TACR3: variants seen among roughly 807,000 people sequenced by gnomAD.
TACR3 encodes neuromedin-K receptor.
A neutral mutation model predicts 35.0 loss-of-function variants in TACR3; 34 were observed. That is an observed-to-expected ratio of 0.97 (90% CI 0.74 to 1.30). The LOEUF is 1.30. Among genes scored for constraint, TACR3 ranks in the 50% most tolerant of loss-of-function variants. The pLI, the probability that TACR3 is intolerant of heterozygous loss-of-function variation, is 0.00. For synonymous variants in TACR3, 233 were observed against 221.1 expected (o/e 1.05, Z -0.48); for missense variants, 558 against 591.7 (o/e 0.94, Z 0.59).
At chr4:103,641,541 C>T (rs1006768420) in intron 3 of TACR3, among the ~76,000 whole-genome samples, 1 of 151,938 alleles carries the variant, frequency 6.6e-6, no homozygotes, top group Non-Finnish European at 1.5e-5. Context: ...TAAATTAGTA[C>T]AGCCATTGCG....
intron 2 of TACR3, among the ~76,000 whole-genome samples, chr4:103,657,580 C>T (rs577243445): frequency 6.6e-6 from 1 of 151,726 alleles, no homozygotes; most frequent in Non-Finnish European, 1.5e-5. Flanking sequence ...AAAATAAGTA[C>T]ATTATTAAAA....
intron 3 of TACR3, among the ~76,000 whole-genome samples, chr4:103,611,792 C>T (rs985742122): frequency 1.3e-5 from 2 of 152,156 alleles, no homozygotes; most frequent in African/African-American, 2.4e-5. Flanking sequence ...TAAGTGTCAT[C>T]ATCATCTATC....
intron 1 of TACR3, among the ~76,000 whole-genome samples, chr4:103,662,330 C>CT (rs1326828809): frequency 3.3e-5 from 5 of 150,786 alleles, no homozygotes. Context: ...AAGCAATTCT[C>CT]TTGTCTCAGC....
chr4:103,635,330 A>G (rs565421542), intron 3 of TACR3, among the ~76,000 whole-genome samples: 46 of 152,052 alleles, frequency 3.0e-4, no homozygotes, highest in African/African-American at 1.0e-3. Context: ...CTGAGATTGA[A>G]GAGAAAGAAT....
chr4:103,706,368 G>T (rs574256801), intron 1 of TACR3, among the ~76,000 whole-genome samples: 1 of 152,074 alleles, frequency 6.6e-6, no homozygotes, highest in South Asian at 2.1e-4. Flanking sequence ...TTAAAAAATT[G>T]AACTAAATTT....
At chr4:103,689,304 G>T (rs1326237433) in intron 1 of TACR3, among the ~76,000 whole-genome samples, 3 of 151,482 alleles carry the variant, frequency 2.0e-5, no homozygotes, top group East Asian at 3.9e-4. Flanking sequence ...AATGCTAGAT[G>T]ACGAGTTAGT....
intron 1 of TACR3, among the ~76,000 whole-genome samples, chr4:103,695,361 C>G (rs1469328185): frequency 1.3e-5 from 2 of 152,088 alleles, no homozygotes; most frequent in African/African-American, 2.4e-5. Context: ...GCAAGATCAA[C>G]CCCTCTTTCT....
chr4:103,663,851 C>A (rs893439395), intron 1 of TACR3, among the ~76,000 whole-genome samples: 1 of 152,160 alleles, frequency 6.6e-6, no homozygotes, highest in African/African-American at 2.4e-5. Context: ...ATTCTCTGGA[C>A]CTTGAGAATA....
chr4:103,591,774 T>A (rs1187185263), intron 3 of TACR3, 91 bp from the exon 4 acceptor site: 2 of 1,185,296 alleles, frequency 1.7e-6, no homozygotes, highest in Admixed American at 2.0e-5. Context: ...CCAATACAGT[T>A]AAATACACAT....
At chr4:103,632,249 T>C (rs1292383381) in intron 3 of TACR3, among the ~76,000 whole-genome samples, 1 of 152,104 alleles carries the variant, frequency 6.6e-6, no homozygotes, top group Non-Finnish European at 1.5e-5. Flanking sequence ...AAACAAATTC[T>C]GATAGAAATC....
chr4:103,610,509 TTATA>T (rs1458258745), intron 3 of TACR3, among the ~76,000 whole-genome samples: 4 of 152,154 alleles, frequency 2.6e-5, no homozygotes, highest in Admixed American at 2.6e-4. Flanking sequence ...TTTGAGTTCC[TTATA>T]TAGTCTGGAT....
At chr4:103,695,362 C>T (rs1157170006) in intron 1 of TACR3, among the ~76,000 whole-genome samples, 2 of 152,066 alleles carry the variant, frequency 1.3e-5, no homozygotes, top group African/African-American at 4.8e-5. Flanking sequence ...CAAGATCAAC[C>T]CCTCTTTCTT....
At chr4:103,591,323 GTA>G (rs773429784) in intron 4 of TACR3, 162 bp downstream of exon 4, 1 of 748,096 alleles carries the variant, frequency 1.3e-6, no homozygotes, top group Non-Finnish European at 2.3e-6. Context: ...TATAAAGTGT[GTA>G]TGGGGGTCTT....
chr4:103,623,671 A>C (rs1259727283), intron 3 of TACR3, among the ~76,000 whole-genome samples: 1 of 152,144 alleles, frequency 6.6e-6, no homozygotes, highest in African/African-American at 2.4e-5. Context: ...ACTGAATTTT[A>C]AGGCATAGGG....
chr4:103,697,640 A>G (rs977812764), intron 1 of TACR3, among the ~76,000 whole-genome samples: 1 of 151,778 alleles, frequency 6.6e-6, no homozygotes, highest in African/African-American at 2.4e-5. Context: ...TAGCCAGGAT[A>G]GTCTCGATCT....
chr4:103,617,006 C>A (rs1279091541), intron 3 of TACR3, among the ~76,000 whole-genome samples: 2 of 152,130 alleles, frequency 1.3e-5, no homozygotes, highest in African/African-American at 2.4e-5. Context: ...TCTGAGATGA[C>A]CCACCAGTAA....
At chr4:103,631,353 A>G (rs1245267757) in intron 3 of TACR3, among the ~76,000 whole-genome samples, 2 of 152,024 alleles carry the variant, frequency 1.3e-5, no homozygotes, top group East Asian at 1.9e-4. Flanking sequence ...AATGCATGGT[A>G]TAGTTCCTTT....
intron 3 of TACR3, among the ~76,000 whole-genome samples, chr4:103,602,143 C>G (rs1724221627): frequency 6.6e-6 from 1 of 152,204 alleles, no homozygotes; most frequent in African/African-American, 2.4e-5. Flanking sequence ...ATTTCATCTT[C>G]CATCACTGAT....
intron 1 of TACR3, among the ~76,000 whole-genome samples, chr4:103,668,572 G>A (rs1382608637): frequency 1.3e-5 from 2 of 151,894 alleles, no homozygotes; most frequent in African/African-American, 2.4e-5. Context: ...TTTCGGCCAG[G>A]TGTGGTGGCC....
Sources: allele counts gnomAD v4.1 joint callset (sites outside exome capture counted in the v4.1 genomes callset), GRCh38; gene constraint gnomAD v4.1.1; transcripts MANE v1.5; gene names NCBI Gene and HGNC (gene_info 2026-07-23, HGNC 2026-07-21).